Variants in PLXNA4 observed in about 807,000 individuals in gnomAD.
PLXNA4 encodes plexin A4, also known as plexin-A4.
Under a neutral mutation model 191.8 loss-of-function variants are expected in PLXNA4, and 44 were observed. That is an observed-to-expected ratio of 0.23 (90% CI 0.18 to 0.29). The LOEUF (loss-of-function observed/expected upper bound fraction) is 0.29. PLXNA4 is among the 10% of genes least tolerant of loss of function. The pLI is 1.00. For missense variants in PLXNA4, 1,800 were observed against 2,488.8 expected, an observed-to-expected ratio of 0.72 and a Z score of 5.89; for synonymous variants, 1,082 against 1,009.5, an observed-to-expected ratio of 1.07 and a Z score of -1.36.
chr7:132,296,420 G>A (rs1801080845), intron 4 of PLXNA4, among the ~76,000 whole-genome samples: 1 of 142,636 alleles, frequency 7.0e-6, no homozygotes, highest in African/African-American at 2.7e-5. Context: ...CTTATACTTT[G>A]TTTTTTTGTT....
chr7:132,564,195 C>T (rs1449975374), intron 1 of PLXNA4, among the ~76,000 whole-genome samples: 1 of 139,300 alleles, frequency 7.2e-6, no homozygotes. Context: ...TCCTCTCCCT[C>T]CTCTTCTCCT....
intron 3 of PLXNA4, among the ~76,000 whole-genome samples, chr7:132,404,805 G>T (rs1049548841): frequency 6.6e-6 from 1 of 152,080 alleles, no homozygotes; most frequent in African/African-American, 2.4e-5. Flanking sequence ...TTATTATTCT[G>T]ATGCCTACTA....
At position 132,130,403 on chromosome 7, in the gene PLXNA4, C is replaced by CTT; in HGVS notation, c.*74_*75dup. On this transcript the variant is annotated 3_prime_UTR_variant, in exon 32 of 32. Transcript: ENST00000321063. ...CTGCTGATGCCAGTCGGAACTTGCA[C>CTT]TTGGTAAAGATGATAATCTAGACTG... The CTT allele has an allele frequency of 6.2e-7, 1 of 1,603,854 alleles. No homozygotes were observed. The highest frequency in any genetic ancestry group is 8.5e-7 in the Non-Finnish European group (1 of 1,172,162).
At chr7:132,183,321 C>T (rs1476243890) in intron 16 of PLXNA4, among the ~76,000 whole-genome samples, 3 of 152,194 alleles carry the variant, frequency 2.0e-5, no homozygotes, top group Non-Finnish European at 4.4e-5. Flanking sequence ...AGCCATCTTC[C>T]CTGTCCTCTC....
intron 8 of PLXNA4, among the ~76,000 whole-genome samples, chr7:132,225,401 C>T (rs1018831659): frequency 3.3e-5 from 5 of 152,162 alleles, no homozygotes; most frequent in African/African-American, 4.8e-5. Context: ...GCTCCTGCCA[C>T]GTCAGTTGGT....
At chr7:132,154,904 G>T (rs1220509290) in intron 25 of PLXNA4, among the ~76,000 whole-genome samples, 1 of 152,180 alleles carries the variant, frequency 6.6e-6, no homozygotes, top group Admixed American at 6.5e-5. Context: ...CACCTTCCAG[G>T]GAGAGAGGGA....
chr7:132,406,426 G>A (rs375625728), intron 3 of PLXNA4, among the ~76,000 whole-genome samples: 112 of 152,192 alleles, frequency 7.4e-4, no homozygotes, highest in East Asian at 6.4e-3. Flanking sequence ...AAACTAGAGC[G>A]CGTTCTAACT....
chr7:132,479,777 G>A (rs1374587197), intron 3 of PLXNA4, among the ~76,000 whole-genome samples: 1 of 152,150 alleles, frequency 6.6e-6, no homozygotes, highest in Admixed American at 6.5e-5. Context: ...AGCCTCTGGA[G>A]TAGCTGGGAC....
intron 3 of PLXNA4, among the ~76,000 whole-genome samples, chr7:132,311,189 T>TGC (rs1377454719): frequency 7.5e-6 from 1 of 133,854 alleles, no homozygotes; most frequent in Non-Finnish European, 1.6e-5. Flanking sequence ...TGTGTGTGTG[T>TGC]GTGTGCGCGT....
At chr7:132,402,142 G>A (rs1251649073) in intron 3 of PLXNA4, among the ~76,000 whole-genome samples, 1 of 152,164 alleles carries the variant, frequency 6.6e-6, no homozygotes, top group Non-Finnish European at 1.5e-5. Context: ...CAGGTCCCTA[G>A]AGTAATCATG....
intron 30 of PLXNA4, among the ~76,000 whole-genome samples, chr7:132,137,412 C>T (rs1584752208): frequency 1.5e-5 from 1 of 68,838 alleles, no homozygotes. Context: ...CAGAGGAAAT[C>T]AATCACTACT....
At chr7:132,199,313 G>A (rs550305625) in intron 12 of PLXNA4, among the ~76,000 whole-genome samples, 77 of 152,228 alleles carry the variant, frequency 5.1e-4, no homozygotes, top group Non-Finnish European at 8.4e-4. Context: ...ACATCTTTCC[G>A]GAATTACTAT....
Position 132,414,181 on chromosome 7 carries a change from T to C in PLXNA4, c.1371+75111A>G, listed in dbSNP as rs796416747. Among the ~76,000 whole-genome samples the C allele has an allele frequency of 5.9e-5, 9 of 152,284 alleles. 1 individual carries two copies. Among genetic ancestry groups the C allele is most frequent in the African/African-American group, 2.2e-4 (9 of 41,548 alleles). Reference sequence around the variant, plus strand: ...ACCTTGTAAGGACATGAGTCCAAGTTCATTAAGAAGCTGGGTACAGATGAA... The same window carrying C: ...ACCTTGTAAGGACATGAGTCCAAGTCCATTAAGAAGCTGGGTACAGATGAA... On this transcript the variant is annotated intron_variant, in intron 3 of 31. Coordinates refer to ENST00000321063, the MANE Select transcript of PLXNA4 (RefSeq NM_020911.2).
intron 3 of PLXNA4, among the ~76,000 whole-genome samples, chr7:132,300,079 A>G (rs542068026): frequency 2.0e-5 from 3 of 152,188 alleles, no homozygotes; most frequent in Non-Finnish European, 4.4e-5. Context: ...TACTGCAGAT[A>G]TTTTCTTTAG....
rs563675969 is a variant in PLXNA4 at position 132,307,905 on chromosome 7, C to T, written c.1372-9683G>A. 2.6e-5 allele frequency among the ~76,000 whole-genome samples: 4 copies of T among 152,220 alleles called. No individual in the cohort carries two copies. The East Asian group carries it at 5.8e-4, about 22-fold the overall frequency. Reference sequence around the variant, plus strand: ...CAGTGTGTGTGCACAAATCGTGTGCCGTGTTACCAAACACTGCCAGGACAA... The same window carrying T: ...CAGTGTGTGTGCACAAATCGTGTGCTGTGTTACCAAACACTGCCAGGACAA... On this transcript the variant is annotated intron_variant, in intron 3 of 31. Coordinates refer to ENST00000321063, the MANE Select transcript of PLXNA4 (RefSeq NM_020911.2).
chr7:132,432,513 G>C (rs1795303708), intron 3 of PLXNA4, among the ~76,000 whole-genome samples: 1 of 152,034 alleles, frequency 6.6e-6, no homozygotes, highest in Non-Finnish European at 1.5e-5. Flanking sequence ...CCACTCCTTG[G>C]TTCCAAGGAA....
chr7:132,369,342 C>A (rs557325653), intron 3 of PLXNA4, among the ~76,000 whole-genome samples: 13 of 152,288 alleles, frequency 8.5e-5, no homozygotes, highest in Non-Finnish European at 1.5e-4. Context: ...CCCTTCTCAG[C>A]AAAACTGACA....
At chr7:132,139,514 T>G (rs565453050) in intron 30 of PLXNA4, among the ~76,000 whole-genome samples, 3 of 152,230 alleles carry the variant, frequency 2.0e-5, no homozygotes, top group Non-Finnish European at 4.4e-5. Context: ...AGGACTGCCA[T>G]GTAGAGTTGC....
At chr7:132,526,723 G>A (rs80217142) in intron 1 of PLXNA4, among the ~76,000 whole-genome samples, 3,851 of 152,292 alleles carry the variant, frequency 0.025, 175 homozygotes, top group African/African-American at 0.087. Flanking sequence ...TCTCAAGAAG[G>A]AGGTGAACAT....
Sources: allele counts gnomAD v4.1 joint callset (sites outside exome capture counted in the v4.1 genomes callset), GRCh38; gene constraint gnomAD v4.1.1; transcripts MANE v1.5; gene names NCBI Gene and HGNC (gene_info 2026-07-23, HGNC 2026-07-21).